MAGI2: variants seen among roughly 807,000 people sequenced by gnomAD.
MAGI2 encodes the protein membrane associated guanylate kinase, WW and PDZ domain containing 2.
In MAGI2, 35 loss-of-function variants were observed where a neutral mutation model predicts 133.3. The ratio of observed to expected loss-of-function variants is 0.26; its 90% CI spans 0.20 to 0.35. The LOEUF (loss-of-function observed/expected upper bound fraction) is 0.35, where lower values mean the gene tolerates loss of function less well. Among genes scored for constraint, MAGI2 ranks in the 10% least tolerant of loss-of-function variants. MAGI2 has a pLI of 1.00. For missense variants in MAGI2, 1,636 were observed against 1,863.4 expected, an observed-to-expected ratio of 0.88 and a Z score of 2.25; for synonymous variants, 729 against 710.6, an observed-to-expected ratio of 1.03 and a Z score of -0.41.
At chr7:79,290,509 C>T (rs1392816639) in intron 1 of MAGI2, among the ~76,000 whole-genome samples, 5 of 151,980 alleles carry the variant, frequency 3.3e-5, no homozygotes, top group Non-Finnish European at 4.4e-5. Context: ...TCCATCTATA[C>T]GTCCATTGAT....
chr7:79,148,682 C>G (rs1217390040), intron 1 of MAGI2, among the ~76,000 whole-genome samples: 1 of 151,684 alleles, frequency 6.6e-6, no homozygotes, highest in Non-Finnish European at 1.5e-5. Flanking sequence ...CTCAGGCTCT[C>G]TATGATACCA....
chr7:79,019,140 G>A (rs1423666705), intron 1 of MAGI2, among the ~76,000 whole-genome samples: 2 of 152,160 alleles, frequency 1.3e-5, no homozygotes, highest in South Asian at 2.1e-4. Flanking sequence ...AAACAGTTGG[G>A]CATAAAACAA....
rs1385411726 is a variant in MAGI2 at position 78,120,772 on chromosome 7, C to T, written c.3567+4922G>A. Reference sequence around the variant, plus strand: ...ATCCCAGCACTTTGGGAGGCCGAGGCGGGCGGATCACGAGGTCAGGAGATC... The same window carrying T: ...ATCCCAGCACTTTGGGAGGCCGAGGTGGGCGGATCACGAGGTCAGGAGATC... On this transcript the variant is annotated intron_variant, in intron 20 of 21. Transcript: ENST00000354212. Among the ~76,000 whole-genome samples, 6 of 151,564 alleles carry T rather than the reference C, an allele frequency of 4.0e-5. No individual in the cohort carries two copies. The South Asian group carries it at 8.4e-4, about 21-fold the overall frequency.
At chr7:78,114,826 T>C (rs1355561826) in intron 20 of MAGI2, among the ~76,000 whole-genome samples, 2 of 152,132 alleles carry the variant, frequency 1.3e-5, no homozygotes, top group African/African-American at 4.8e-5. Context: ...AAGTGGGGAC[T>C]GGAGCTGGAG....
chr7:78,769,386 C>T (rs1825353408), intron 2 of MAGI2, among the ~76,000 whole-genome samples: 1 of 151,812 alleles, frequency 6.6e-6, no homozygotes, highest in Non-Finnish European at 1.5e-5. Context: ...AGATCACGTC[C>T]GAAAATATAT....
chr7:79,296,065 G>A (rs1836904723), intron 1 of MAGI2, among the ~76,000 whole-genome samples: 1 of 152,118 alleles, frequency 6.6e-6, no homozygotes, highest in African/African-American at 2.4e-5. Flanking sequence ...TTAACTCAGA[G>A]TTGTTCAAAT....
intron 14 of MAGI2, among the ~76,000 whole-genome samples, chr7:78,168,932 T>G (rs1303990124): frequency 6.6e-6 from 1 of 152,170 alleles, no homozygotes; most frequent in Non-Finnish European, 1.5e-5. Context: ...TTCTCCAGAT[T>G]TTTGTTCTAT....
chr7:78,416,292 A>C (rs954839989), intron 6 of MAGI2, among the ~76,000 whole-genome samples: 4 of 152,134 alleles, frequency 2.6e-5, no homozygotes, highest in African/African-American at 9.6e-5. Flanking sequence ...TGATATGGCA[A>C]GCTAGGGCTG....
Position 78,800,123 on chromosome 7 carries a change from C to T in MAGI2, c.419-172884G>A, listed in dbSNP as rs556579804. Among the ~76,000 whole-genome samples the T allele has an allele frequency of 4.6e-5, 7 of 152,194 alleles. No individual in the cohort carries two copies. The South Asian group carries it at 8.3e-4, about 18-fold the overall frequency. ...CCACTATTTAGTTTCCAAAAACCCACGGACCAGAAGCTTTAATATCCATAG... is the reference window on the plus strand; with the variant it reads ...CCACTATTTAGTTTCCAAAAACCCATGGACCAGAAGCTTTAATATCCATAG... On this transcript the variant is annotated intron_variant, in intron 2 of 21. Coordinates refer to ENST00000354212, the MANE Select transcript of MAGI2 (RefSeq NM_012301.4).
intron 21 of MAGI2, among the ~76,000 whole-genome samples, chr7:78,039,133 G>A (rs1810538047): frequency 6.6e-6 from 1 of 152,142 alleles, no homozygotes; most frequent in Admixed American, 6.5e-5. Flanking sequence ...AGCTGGTTCA[G>A]ACACTGCAGC....
At chr7:79,294,667 T>A (rs1178774662) in intron 1 of MAGI2, among the ~76,000 whole-genome samples, 1 of 151,908 alleles carries the variant, frequency 6.6e-6, no homozygotes, top group African/African-American at 2.4e-5. Context: ...CAAGTCAGCA[T>A]TTAATTTAAT....
chr7:78,656,117 T>C (rs767362280), intron 2 of MAGI2, among the ~76,000 whole-genome samples: 1 of 152,048 alleles, frequency 6.6e-6, no homozygotes, highest in Non-Finnish European at 1.5e-5. Context: ...GGCTGTCCAT[T>C]ATACTAGAGT....
intron 1 of MAGI2, among the ~76,000 whole-genome samples, chr7:79,100,764 T>A (rs76597435): frequency 0.036 from 5,456 of 152,018 alleles, 208 homozygotes; most frequent in African/African-American, 0.096. Flanking sequence ...TTCCATTGAC[T>A]TTATAGTCAT....
At chr7:78,715,885 A>G (rs908301966) in intron 2 of MAGI2, among the ~76,000 whole-genome samples, 14 of 62,674 alleles carry the variant, frequency 2.2e-4, no homozygotes, top group African/African-American at 7.9e-4. Flanking sequence ...TACTGAAGCC[A>G]TAACACTCGG....
At chr7:78,622,435 G>A (rs1807847708) in intron 3 of MAGI2, among the ~76,000 whole-genome samples, 1 of 152,000 alleles carries the variant, frequency 6.6e-6, no homozygotes, top group African/African-American at 2.4e-5. Context: ...AAGGGAGAAT[G>A]TGTAATTTAA....
intron 2 of MAGI2, among the ~76,000 whole-genome samples, chr7:78,918,256 A>G (rs941763327): frequency 2.0e-5 from 3 of 152,170 alleles, no homozygotes; most frequent in Non-Finnish European, 4.4e-5. Context: ...TTACTATGCC[A>G]CAGCCATATT....
chr7:78,856,840 G>C (rs1793688735), intron 2 of MAGI2, among the ~76,000 whole-genome samples: 1 of 152,172 alleles, frequency 6.6e-6, no homozygotes, highest in African/African-American at 2.4e-5. Context: ...AAGTACCACG[G>C]GCAGTGTGGC....
chr7:78,192,227 T>C lies in MAGI2; in HGVS notation c.2269+2647A>G, dbSNP rs185106566. Among the ~76,000 whole-genome samples the C allele has an allele frequency of 8.7e-3, 1,329 of 152,142 alleles. 10 individuals carry two copies. Among genetic ancestry groups the C allele is most frequent in the Non-Finnish European group, 0.013 (878 of 67,956 alleles). ...ACACCTTCCCTGGTTGCACTGATTT[T>C]TCCCCCCCCAGGAAAAGACACAAGA... On this transcript the variant is annotated intron_variant, in intron 12 of 21. Coordinates refer to ENST00000354212, the MANE Select transcript of MAGI2 (RefSeq NM_012301.4).
intron 2 of MAGI2, among the ~76,000 whole-genome samples, chr7:78,985,961 T>C (rs769147231): frequency 6.6e-6 from 1 of 152,066 alleles, no homozygotes; most frequent in Non-Finnish European, 1.5e-5. Context: ...ATGCTTTCCA[T>C]GCAACCCAAT....
Sources: gnomAD v4.1 joint callset for allele counts (sites outside exome capture counted in the v4.1 genomes callset) on GRCh38, gnomAD v4.1.1 for gene constraint, MANE v1.5 for transcripts, NCBI Gene and HGNC (gene_info 2026-07-23, HGNC 2026-07-21) for gene names.